The following SORCS3 variants were observed in gnomAD, a reference collection of about 807,000 sequenced individuals.
SORCS3 encodes sortilin related VPS10 domain containing receptor 3, also known as VPS10 domain-containing receptor SorCS3.
Under a neutral mutation model 146.3 loss-of-function variants are expected in SORCS3, and 57 were observed. The observed-to-expected ratio is 0.39, with a 90% CI of 0.31 to 0.49. The LOEUF (loss-of-function observed/expected upper bound fraction) is 0.49, where lower values mean the gene tolerates loss of function less well. Among genes scored for constraint, SORCS3 ranks in the 20% least tolerant of loss-of-function variants. The pLI, the probability that SORCS3 is intolerant of heterozygous loss-of-function variation, is 0.92. For missense variants in SORCS3, 1,341 were observed against 1,575.5 expected, an observed-to-expected ratio of 0.85 and a Z score of 2.52; for synonymous variants, 653 against 618.5, an observed-to-expected ratio of 1.06 and a Z score of -0.83.
At chr10:105,041,377 A>G (rs2133703197) in intron 4 of SORCS3, among the ~76,000 whole-genome samples, 1 of 148,168 alleles carries the variant, frequency 6.7e-6, no homozygotes, top group East Asian at 2.0e-4. Context: ...TATATACCTG[A>G]CAACATTACA....
At position 105,050,961 on chromosome 10, in the gene SORCS3, TTC is replaced by T. The variant is rs575656788; in HGVS notation, c.1028+7835_1028+7836del. On this transcript the variant is annotated intron_variant, in intron 5 of 26. Coordinates refer to ENST00000369701, the MANE Select transcript of SORCS3 (RefSeq NM_014978.3). ...CTTGAAATAGAAAATTATCACCATG[TTC>T]TGGTATTCCTGACACCTATGCCCAG... Among the ~76,000 whole-genome samples the T allele has an allele frequency of 2.0e-5, 3 of 152,242 alleles. No individual in the cohort carries two copies. In the South Asian group the frequency reaches 6.2e-4, roughly 32 times the overall value.
At chr10:105,174,796 T>C (rs186833521) in intron 13 of SORCS3, among the ~76,000 whole-genome samples, 4 of 152,244 alleles carry the variant, frequency 2.6e-5, no homozygotes, top group East Asian at 3.9e-4. Context: ...ACTCATTTCA[T>C]GTAGCAGGAC....
At chr10:105,242,830 TTA>T (rs1412394876) in intron 20 of SORCS3, among the ~76,000 whole-genome samples, 8 of 60,706 alleles carry the variant, frequency 1.3e-4, no homozygotes, top group Admixed American at 5.0e-4. Flanking sequence ...TATATATAAA[TTA>T]TATATATATT....
chr10:105,068,562 A>C (rs2055536581), intron 5 of SORCS3, among the ~76,000 whole-genome samples: 1 of 152,204 alleles, frequency 6.6e-6, no homozygotes, highest in African/African-American at 2.4e-5. Context: ...ACACCGGCTA[A>C]ATGAGGTTAT....
chr10:104,948,672 T>C (rs1448240014), intron 3 of SORCS3, among the ~76,000 whole-genome samples: 1 of 152,218 alleles, frequency 6.6e-6, no homozygotes, highest in Non-Finnish European at 1.5e-5. Flanking sequence ...AGAAGTGCTT[T>C]AAAGGGAAGG....
chr10:105,100,095 A>G (rs1406701686), intron 6 of SORCS3, among the ~76,000 whole-genome samples: 2 of 152,148 alleles, frequency 1.3e-5, no homozygotes, highest in African/African-American at 2.4e-5. Context: ...TGATGTTACA[A>G]TGCTCCCTAA....
intron 3 of SORCS3, among the ~76,000 whole-genome samples, chr10:104,967,840 G>A (rs1352271676): frequency 6.8e-6 from 1 of 146,074 alleles, no homozygotes; most frequent in Non-Finnish European, 1.5e-5. Flanking sequence ...TTTTTTTTTT[G>A]ATAGAGTTGA....
chr10:105,045,366 AG>A (rs2055364571), intron 5 of SORCS3, among the ~76,000 whole-genome samples: 1 of 152,102 alleles, frequency 6.6e-6, no homozygotes, highest in Non-Finnish European at 1.5e-5. Context: ...TATGCTCCCA[AG>A]GGGAAATATA....
At chr10:105,056,765 C>G (rs545926580) in intron 5 of SORCS3, among the ~76,000 whole-genome samples, 14 of 152,056 alleles carry the variant, frequency 9.2e-5, no homozygotes, top group Non-Finnish European at 2.1e-4. Context: ...TTTTTTGAAA[C>G]CATACATTTT....
At chr10:105,135,681 A>G (rs2056054193) in intron 7 of SORCS3, among the ~76,000 whole-genome samples, 1 of 152,186 alleles carries the variant, frequency 6.6e-6, no homozygotes, top group Non-Finnish European at 1.5e-5. Context: ...TTGCATTGAT[A>G]GTTCTTCCAG....
rs376858021 is a variant in SORCS3, at chr10:104,909,845, G to A, written c.696-5988G>A. On this transcript the variant is annotated intron_variant, in intron 2 of 26. Coordinates refer to ENST00000369701, the MANE Select transcript of SORCS3 (RefSeq NM_014978.3). ...TTCTTATTGCCACCAGCCTCTCCCC[G>A]AGAAGATCACTAGAGGAGTAGTGAA... Among the ~76,000 whole-genome samples, 10 of 150,196 alleles carry A rather than the reference G, an allele frequency of 6.7e-5. No homozygotes were observed. In the East Asian group the frequency reaches 9.7e-4, roughly 15 times the overall value.
intron 1 of SORCS3, among the ~76,000 whole-genome samples, chr10:104,722,612 C>CT (rs1322930261): frequency 6.6e-6 from 1 of 152,086 alleles, no homozygotes; most frequent in South Asian, 2.1e-4. Context: ...TGGTCCTGGA[C>CT]TTTTTTTGGT....
chr10:105,001,116 A>G (rs1378057421), intron 4 of SORCS3, among the ~76,000 whole-genome samples: 3 of 152,176 alleles, frequency 2.0e-5, no homozygotes, highest in Admixed American at 1.3e-4. Flanking sequence ...TAATTTTCAG[A>G]CTAACCATGT....
In SORCS3 at chr10:105,255,564, A is replaced by G. The variant is rs958616126; in HGVS notation, c.3238-138A>G. ...CCCAAGGGCTGTGAGAACCAAATCGATAAATATTTTTCACTATCTTATCCC... is the reference window on the plus strand; with the variant it reads ...CCCAAGGGCTGTGAGAACCAAATCGGTAAATATTTTTCACTATCTTATCCC... On this transcript the variant is annotated intron_variant, in intron 23 of 26. Coordinates refer to ENST00000369701, the MANE Select transcript of SORCS3 (RefSeq NM_014978.3). 2.4e-5 allele frequency: 15 copies of G among 621,144 alleles called. No homozygotes were observed. The Admixed American group carries it at 4.2e-4, about 17-fold the overall frequency. The allele number at this position is 621,144 out of a possible 1,614,324, so 38.5% of individuals were successfully genotyped here.
chr10:104,790,932 A>T (rs1014246259), intron 1 of SORCS3, among the ~76,000 whole-genome samples: 13 of 152,228 alleles, frequency 8.5e-5, no homozygotes, highest in African/African-American at 2.9e-4. Flanking sequence ...CTTGAACTTT[A>T]TAAGATAACA....
chr10:104,842,889 A>C lies in SORCS3; in HGVS notation c.695+30A>C, dbSNP rs777788667. On this transcript the variant is annotated intron_variant, in intron 2 of 26. Coordinates refer to ENST00000369701, the MANE Select transcript of SORCS3 (RefSeq NM_014978.3). ...GCAGATTAGAGATTCTTAAGGAGCC[A>C]CCCTGGCTTGGCTCACATGAGAAAC... 1.0e-5 allele frequency: 16 copies of C among 1,584,806 alleles called. No homozygotes were observed. In the South Asian group the frequency reaches 1.8e-4, roughly 18 times the overall value.
intron 4 of SORCS3, among the ~76,000 whole-genome samples, chr10:105,005,518 G>GT (rs1369816752): frequency 7.0e-6 from 1 of 143,130 alleles, no homozygotes; most frequent in Non-Finnish European, 1.5e-5. Context: ...TTGCTAGCCA[G>GT]TGAAGTGTTC....
At chr10:104,924,035 T>A (rs2019114164) in intron 3 of SORCS3, among the ~76,000 whole-genome samples, 1 of 152,232 alleles carries the variant, frequency 6.6e-6, no homozygotes. Context: ...AATTTGCAGA[T>A]GATGGATATT....
chr10:105,262,077 T>C (rs113660410), intron 25 of SORCS3, among the ~76,000 whole-genome samples: 67 of 152,250 alleles, frequency 4.4e-4, no homozygotes, highest in Non-Finnish European at 7.8e-4. Context: ...TACCTTCTTG[T>C]TTTTTACCCA....
Sources: allele counts gnomAD v4.1 joint callset (sites outside exome capture counted in the v4.1 genomes callset), GRCh38; gene constraint gnomAD v4.1.1; transcripts MANE v1.5; gene names NCBI Gene and HGNC (gene_info 2026-07-23, HGNC 2026-07-21).